Variants in CFAP299 observed in about 807,000 individuals in gnomAD.
The protein encoded by CFAP299 is cilia and flagella associated protein 299.
CFAP299 carries 21 observed loss-of-function variants against 27.0 expected under a neutral mutation model. The observed-to-expected ratio is 0.78, with a 90% CI of 0.55 to 1.12. The LOEUF (loss-of-function observed/expected upper bound fraction) is 1.12, where lower values mean the gene tolerates loss of function less well. Ranked by LOEUF, CFAP299 falls within the 50% of genes most tolerant of loss-of-function variation. CFAP299 has a pLI of 0.00. For missense variants in CFAP299, 310 were observed against 276.6 expected, an observed-to-expected ratio of 1.12 and a Z score of -0.86; for synonymous variants, 104 against 98.1, an observed-to-expected ratio of 1.06 and a Z score of -0.36.
intron 2 of CFAP299, among the ~76,000 whole-genome samples, chr4:80,447,156 G>C (rs1728672667): frequency 1.3e-5 from 1 of 77,870 alleles, no homozygotes; most frequent in Admixed American, 2.0e-4. Context: ...TTTTTTTTGA[G>C]ACGGAGTCTC....
chr4:80,705,623 A>T (rs1230997057), intron 3 of CFAP299, among the ~76,000 whole-genome samples: 1 of 151,794 alleles, frequency 6.6e-6, no homozygotes, highest in Non-Finnish European at 1.5e-5. Context: ...TGGTCTATTG[A>T]TCTAACAGGG....
At chr4:80,834,872 T>C (rs988605590) in intron 3 of CFAP299, among the ~76,000 whole-genome samples, 4 of 152,312 alleles carry the variant, frequency 2.6e-5, no homozygotes, top group South Asian at 2.1e-4. Context: ...TTCAACAGCA[T>C]ACTAACTCCA....
chr4:80,894,206 A>G (rs746247710), intron 4 of CFAP299, among the ~76,000 whole-genome samples: 1 of 152,010 alleles, frequency 6.6e-6, no homozygotes, highest in Non-Finnish European at 1.5e-5. Context: ...TATTAAAAAG[A>G]CAAAAGATTT....
intron 2 of CFAP299, among the ~76,000 whole-genome samples, chr4:80,417,781 T>C (rs868866979): frequency 2.6e-5 from 4 of 152,120 alleles, no homozygotes; most frequent in Admixed American, 2.0e-4. Context: ...CTCTTCTGTA[T>C]ATATATACAT....
chr4:80,869,812 G>T (rs756671065), intron 3 of CFAP299, among the ~76,000 whole-genome samples, 181 bp from the exon 4 acceptor site: 1 of 152,180 alleles, frequency 6.6e-6, no homozygotes, highest in Non-Finnish European at 1.5e-5. Flanking sequence ...TGCTGGGCGA[G>T]TAACATGTGT....
chr4:80,335,746 A>T lies in CFAP299; in HGVS notation c.-23A>T, dbSNP rs368476387. 1.8e-4 allele frequency: 264 copies of T among 1,449,524 alleles called. No homozygotes were observed. The highest frequency in any genetic ancestry group is 3.9e-4 in the East Asian group (17 of 44,082). The allele number at this position is 1,449,524 out of a possible 1,614,324, so 89.8% of individuals were successfully genotyped here. A position where few individuals can be genotyped will look rare whatever the true frequency, so the allele number is the denominator to read the frequency against. ...TGCCCTCCTGCTTCCGTTGCTAGGGACGCTTCGGCCGAGGATACCGCAATG... is the reference window on the plus strand; with the variant it reads ...TGCCCTCCTGCTTCCGTTGCTAGGGTCGCTTCGGCCGAGGATACCGCAATG... On this transcript the variant is annotated 5_prime_UTR_variant, in exon 1 of 6. Coordinates refer to ENST00000358105, the MANE Select transcript of CFAP299 (RefSeq NM_152770.3).
chr4:80,529,600 T>C (rs1272705326), intron 2 of CFAP299, among the ~76,000 whole-genome samples: 1 of 152,208 alleles, frequency 6.6e-6, no homozygotes, highest in Non-Finnish European at 1.5e-5. Flanking sequence ...AATATATATT[T>C]TTAATCCTGA....
At chr4:80,631,850 A>C (rs1739220367) in intron 3 of CFAP299, among the ~76,000 whole-genome samples, 2 of 85,336 alleles carry the variant, frequency 2.3e-5, no homozygotes, top group Non-Finnish European at 4.7e-5. Context: ...TATCAGTCTG[A>C]ATATTTGTGC....
At chr4:80,456,196 G>A (rs556394335) in intron 2 of CFAP299, among the ~76,000 whole-genome samples, 2 of 152,198 alleles carry the variant, frequency 1.3e-5, no homozygotes, top group Non-Finnish European at 2.9e-5. Context: ...GCTGGAGTGG[G>A]ATGATTTAAA....
At chr4:80,883,541 T>G (rs1733820095) in intron 4 of CFAP299, among the ~76,000 whole-genome samples, 1 of 152,098 alleles carries the variant, frequency 6.6e-6, no homozygotes, top group African/African-American at 2.4e-5. Context: ...AACGACTCAG[T>G]TTACCTTTAA....
At chr4:80,711,145 T>G (rs1722143572) in intron 3 of CFAP299, among the ~76,000 whole-genome samples, 1 of 151,564 alleles carries the variant, frequency 6.6e-6, no homozygotes, top group Admixed American at 6.6e-5. Context: ...AACTGGAGAG[T>G]GGGGAGGCAG....
intron 3 of CFAP299, among the ~76,000 whole-genome samples, chr4:80,815,408 A>G (rs774357365): frequency 1.5e-4 from 23 of 152,110 alleles, no homozygotes; most frequent in Admixed American, 4.6e-4. Context: ...GTCCCTTTCT[A>G]TTATAATTAC....
intron 2 of CFAP299, among the ~76,000 whole-genome samples, chr4:80,471,343 C>T (rs1729982104): frequency 6.6e-6 from 1 of 151,674 alleles, no homozygotes; most frequent in Non-Finnish European, 1.5e-5. Flanking sequence ...CCAAACCCAA[C>T]CAATTAAGAA....
intron 2 of CFAP299, among the ~76,000 whole-genome samples, chr4:80,491,237 G>A (rs372571460): frequency 3.3e-5 from 5 of 151,830 alleles, no homozygotes; most frequent in East Asian, 1.9e-4. Context: ...TAGTTTTATC[G>A]TTTAAAAATA....
chr4:80,338,164 C>G (rs1722253229), intron 1 of CFAP299, among the ~76,000 whole-genome samples: 1 of 152,118 alleles, frequency 6.6e-6, no homozygotes, highest in Admixed American at 6.5e-5. Flanking sequence ...ACTTTTAAAA[C>G]ATTTTATTTT....
intron 3 of CFAP299, among the ~76,000 whole-genome samples, chr4:80,598,478 A>G (rs1335572685): frequency 6.6e-6 from 1 of 152,198 alleles, no homozygotes; most frequent in East Asian, 1.9e-4. Context: ...AACTACTACT[A>G]GAATTGATTA....
intron 3 of CFAP299, among the ~76,000 whole-genome samples, chr4:80,855,202 G>A (rs1378787453): frequency 3.3e-5 from 5 of 151,940 alleles, no homozygotes; most frequent in African/African-American, 1.2e-4. Flanking sequence ...CTTATGGAAA[G>A]CATATATATT....
chr4:80,926,754 A>G (rs1019018853), intron 4 of CFAP299, among the ~76,000 whole-genome samples: 2 of 152,102 alleles, frequency 1.3e-5, no homozygotes, highest in Admixed American at 6.6e-5. Flanking sequence ...TTGCAAAAGA[A>G]AATTTGAGAG....
rs921890019 is a variant in CFAP299, at chr4:80,524,412, A to T, written c.243-58681A>T. Among the ~76,000 whole-genome samples the T allele has an allele frequency of 2.0e-5, 3 of 151,780 alleles. No individual in the cohort carries two copies. In the East Asian group the frequency reaches 5.8e-4, roughly 29 times the overall value. On this transcript the variant is annotated intron_variant, in intron 2 of 5. Transcript: ENST00000358105. ...AGGGATCTGTGCTGCGTATTACAGG[A>T]TGTTTAGCAGAATCCTTGATTTCTC...
Sources: allele counts gnomAD v4.1 joint callset (sites outside exome capture counted in the v4.1 genomes callset), GRCh38; gene constraint gnomAD v4.1.1; transcripts MANE v1.5; gene names NCBI Gene and HGNC (gene_info 2026-07-23, HGNC 2026-07-21).